The following PELI2 variants were observed in gnomAD, a reference collection of about 807,000 sequenced individuals.
The protein encoded by PELI2 is E3 ubiquitin-protein ligase pellino homolog 2.
A neutral mutation model predicts 42.3 loss-of-function variants in PELI2; 23 were observed. The observed-to-expected ratio is 0.54, with a 90% CI of 0.39 to 0.77. The LOEUF (loss-of-function observed/expected upper bound fraction) is 0.77, where lower values mean the gene tolerates loss of function less well. PELI2 is among the 30% of genes least tolerant of loss of function. The pLI is 0.00. For missense variants in PELI2, 463 were observed against 553.2 expected (o/e 0.84, Z 1.64); for synonymous variants, 245 against 212.2 (o/e 1.15, Z -1.34).
At chr14:56,249,197 C>G (rs969707569) in intron 2 of PELI2, among the ~76,000 whole-genome samples, 10 of 152,094 alleles carry the variant, frequency 6.6e-5, no homozygotes, top group Non-Finnish European at 1.5e-4. Flanking sequence ...GAATTAACGT[C>G]CACTAAAATT....
At chr14:56,260,355 G>C (rs1309921618) in intron 2 of PELI2, among the ~76,000 whole-genome samples, 1 of 152,054 alleles carries the variant, frequency 6.6e-6, no homozygotes, top group African/African-American at 2.4e-5. Context: ...AATCTCAAAG[G>C]GTTTTGGTAA....
chr14:56,151,025 T>C (rs912894685), intron 1 of PELI2, among the ~76,000 whole-genome samples: 2 of 152,218 alleles, frequency 1.3e-5, no homozygotes, highest in Non-Finnish European at 2.9e-5. Flanking sequence ...AAATGAAAGA[T>C]TCAGGCACCC....
intron 2 of PELI2, among the ~76,000 whole-genome samples, chr14:56,261,990 C>T (rs992729466): frequency 6.6e-5 from 10 of 152,322 alleles, no homozygotes; most frequent in African/African-American, 2.2e-4. Context: ...GTTTGACTCT[C>T]GAAAAGTTGC....
intron 2 of PELI2, among the ~76,000 whole-genome samples, chr14:56,236,082 T>TA (rs1887782889): frequency 6.6e-6 from 1 of 152,224 alleles, no homozygotes; most frequent in African/African-American, 2.4e-5. Context: ...ATATGTCACT[T>TA]AAAAAATTTT....
chr14:56,185,653 G>A (rs1272449294), intron 2 of PELI2, among the ~76,000 whole-genome samples: 2 of 152,134 alleles, frequency 1.3e-5, no homozygotes, highest in African/African-American at 4.8e-5. Flanking sequence ...TAGAAGAGTT[G>A]CTTCATTATA....
chr14:56,261,755 CACTA>C (rs1888722412), intron 2 of PELI2, among the ~76,000 whole-genome samples: 1 of 152,194 alleles, frequency 6.6e-6, no homozygotes, highest in Non-Finnish European at 1.5e-5. Flanking sequence ...CTTGAAAAAG[CACTA>C]ACTACGCAGA....
chr14:56,249,632 A>G (rs1442814516), intron 2 of PELI2, among the ~76,000 whole-genome samples: 1 of 152,212 alleles, frequency 6.6e-6, no homozygotes, highest in African/African-American at 2.4e-5. Context: ...CTCATGAACA[A>G]GGAAGGGCTT....
intron 1 of PELI2, among the ~76,000 whole-genome samples, chr14:56,140,990 A>G (rs576433654): frequency 2.1e-3 from 313 of 152,240 alleles, no homozygotes; most frequent in Non-Finnish European, 3.8e-3. Context: ...TCTATTGTTT[A>G]GTTGTCCTGT....
chr14:56,206,079 T>C lies in PELI2; in HGVS notation c.207+27615T>C, dbSNP rs140934968. ...CAACTATTCAGAAGTTCACTGTCTT[T>C]TGCAAAGGCTGAGTACTGAAGTGAC... On this transcript the variant is annotated intron_variant, in intron 2 of 5. Coordinates refer to ENST00000267460, the MANE Select transcript of PELI2 (RefSeq NM_021255.3). 2.7e-3 allele frequency among the ~76,000 whole-genome samples: 405 copies of C among 152,300 alleles called. 3 individuals carry two copies. Among genetic ancestry groups the C allele is most frequent in the African/African-American group, 8.2e-3 (339 of 41,568 alleles).
At chr14:56,138,225 T>C (rs1883756166) in intron 1 of PELI2, among the ~76,000 whole-genome samples, 2 of 152,340 alleles carry the variant, frequency 1.3e-5, no homozygotes, top group South Asian at 4.1e-4. Flanking sequence ...TCATTTTCCA[T>C]GAGGAGGTAA....
chr14:56,279,795 T>C lies in PELI2; in HGVS notation c.309+18T>C, dbSNP rs752962815. On this transcript the variant is annotated intron_variant, in intron 3 of 5. Transcript: ENST00000267460. The stretch of plus-strand genomic sequence containing the variant: ...TGTTTCAGGTAATATTTTTCTTTTT[T>C]AATAGAAATTTTAGCACGTTTTCCT... 5 of 1,348,546 alleles carry C rather than the reference T, an allele frequency of 3.7e-6. No individual in the cohort carries two copies. The highest frequency in any genetic ancestry group is 5.2e-6 in the Non-Finnish European group (5 of 954,102). 83.5% of individuals were successfully genotyped at this position (1,348,546 alleles called of 1,614,324 possible).
At chr14:56,126,255 A>G (rs1011245641) in intron 1 of PELI2, among the ~76,000 whole-genome samples, 2 of 152,194 alleles carry the variant, frequency 1.3e-5, no homozygotes, top group African/African-American at 2.4e-5. Context: ...ATTAATGCCT[A>G]TTAATGATGG....
intron 1 of PELI2, among the ~76,000 whole-genome samples, chr14:56,168,224 A>G (rs1330190218): frequency 6.6e-6 from 1 of 151,950 alleles, no homozygotes; most frequent in Non-Finnish European, 1.5e-5. Context: ...AGCAGGTGGC[A>G]AAACCAGCCA....
At chr14:56,277,210 G>A (rs1889325133) in intron 2 of PELI2, among the ~76,000 whole-genome samples, 1 of 152,166 alleles carries the variant, frequency 6.6e-6, no homozygotes, top group Non-Finnish European at 1.5e-5. Context: ...AGGAGGTGAG[G>A]AGCAGGTGAA....
intron 2 of PELI2, among the ~76,000 whole-genome samples, chr14:56,231,664 G>C (rs769528226): frequency 4.1e-4 from 62 of 152,130 alleles, no homozygotes; most frequent in Non-Finnish European, 6.8e-4. Flanking sequence ...CAGGAAAGAT[G>C]TAAAATTGAC....
chr14:56,211,762 T>G (rs779553538), intron 2 of PELI2, among the ~76,000 whole-genome samples: 13 of 152,194 alleles, frequency 8.5e-5, no homozygotes, highest in Non-Finnish European at 1.5e-4. Flanking sequence ...ATGGCTGAAT[T>G]CCAAGTCGCG....
intron 2 of PELI2, among the ~76,000 whole-genome samples, chr14:56,271,378 A>C (rs933445565): frequency 6.6e-6 from 1 of 151,736 alleles, no homozygotes; most frequent in African/African-American, 2.4e-5. Context: ...CATACCGATT[A>C]AAATGTTTCT....
At chr14:56,182,415 G>C (rs544277732) in intron 2 of PELI2, among the ~76,000 whole-genome samples, 6 of 152,150 alleles carry the variant, frequency 3.9e-5, no homozygotes, top group African/African-American at 1.2e-4. Flanking sequence ...ATAGTATGAT[G>C]GTGGTGGTGG....
intron 1 of PELI2, among the ~76,000 whole-genome samples, chr14:56,177,460 TGAAAA>T (rs943460603): frequency 1.5e-4 from 23 of 152,208 alleles, no homozygotes; most frequent in African/African-American, 5.5e-4. Flanking sequence ...TTTTTTTTCT[TGAAAA>T]GAACTTCCGC....
Sources: allele counts gnomAD v4.1 joint callset (sites outside exome capture counted in the v4.1 genomes callset), GRCh38; gene constraint gnomAD v4.1.1; transcripts MANE v1.5; gene names NCBI Gene and HGNC (gene_info 2026-07-23, HGNC 2026-07-21).